HTR4: variants seen among roughly 807,000 people sequenced by gnomAD.
The protein encoded by HTR4 is 5-hydroxytryptamine (serotonin) receptor 4, G protein-coupled.
Under a neutral mutation model 36.8 loss-of-function variants are expected in HTR4, and 16 were observed. The observed-to-expected ratio is 0.43, with a 90% CI of 0.29 to 0.66. The LOEUF (loss-of-function observed/expected upper bound fraction) is 0.66. Among genes scored for constraint, HTR4 ranks in the 30% least tolerant of loss-of-function variants. The pLI is 0.13. For missense variants in HTR4, 438 were observed against 490.9 expected, an observed-to-expected ratio of 0.89 and a Z score of 1.02; for synonymous variants, 189 against 185.1, an observed-to-expected ratio of 1.02 and a Z score of -0.17.
At chr5:148,517,522 C>T (rs1366102162) in intron 5 of HTR4, among the ~76,000 whole-genome samples, 1 of 152,030 alleles carries the variant, frequency 6.6e-6, no homozygotes, top group Non-Finnish European at 1.5e-5. Flanking sequence ...AACTTACACA[C>T]AGTATTCTCA....
intron 5 of HTR4, among the ~76,000 whole-genome samples, chr5:148,462,604 A>G (rs1755304562): frequency 6.6e-6 from 1 of 152,134 alleles, no homozygotes; most frequent in Non-Finnish European, 1.5e-5. Context: ...AAGAAATTAT[A>G]CCAATTCTCT....
chr5:148,471,748 G>T (rs1755572746), downstream of HTR4, among the ~76,000 whole-genome samples: 1 of 152,120 alleles, frequency 6.6e-6, no homozygotes, highest in African/African-American at 2.4e-5. Flanking sequence ...TTTAACGTTG[G>T]ATTTTTATTT....
intron 5 of HTR4, among the ~76,000 whole-genome samples, chr5:148,456,979 A>G (rs944802098): frequency 6.6e-6 from 1 of 152,218 alleles, no homozygotes; most frequent in African/African-American, 2.4e-5. Context: ...ACGTTTATTC[A>G]CTTGTTAATT....
intron 6 of HTR4, among the ~76,000 whole-genome samples, chr5:148,494,700 G>T (rs1756609434): frequency 6.6e-6 from 1 of 152,208 alleles, no homozygotes; most frequent in African/African-American, 2.4e-5. Flanking sequence ...TAGCTCTGGA[G>T]ATGCTTGGTC....
chr5:148,568,410 G>A (rs1001218537), intron 2 of HTR4, among the ~76,000 whole-genome samples: 1 of 151,908 alleles, frequency 6.6e-6, no homozygotes, highest in Non-Finnish European at 1.5e-5. Context: ...ATCAACTAAC[G>A]AACCAATCAA....
intron 1 of HTR4, among the ~76,000 whole-genome samples, chr5:148,640,032 T>C (rs1009007542): frequency 6.6e-6 from 1 of 152,108 alleles, no homozygotes; most frequent in Non-Finnish European, 1.5e-5. Flanking sequence ...ATCCTATAGA[T>C]GAAGAGACTG....
At position 148,639,004 on chromosome 5, in the gene HTR4, G is replaced by A. The variant is rs185977422; in HGVS notation, c.-47-1943C>T. ...TGAGGCTGCTGTGAGCCAAGATCAC[G>A]CTACTGTACTCCAGCCTGGGTGACA... On this transcript the variant is annotated intron_variant, in intron 1 of 6. Coordinates refer to ENST00000377888, the MANE Select transcript of HTR4 (RefSeq NM_000870.7). Among the ~76,000 whole-genome samples, 71 of 152,120 alleles carry A rather than the reference G, an allele frequency of 4.7e-4. 1 individual carries two copies. Among genetic ancestry groups the A allele is most frequent in the African/African-American group, 1.5e-3 (63 of 41,508 alleles).
At chr5:148,549,213 T>C (rs1213237152) in intron 3 of HTR4, among the ~76,000 whole-genome samples, 1 of 152,160 alleles carries the variant, frequency 6.6e-6, no homozygotes, top group African/African-American at 2.4e-5. Flanking sequence ...GCAGATGTTC[T>C]TTCTTCCAAC....
At chr5:148,455,281 A>G (rs1755073659) in intron 5 of HTR4, among the ~76,000 whole-genome samples, 1 of 152,136 alleles carries the variant, frequency 6.6e-6, no homozygotes, top group Non-Finnish European at 1.5e-5. Flanking sequence ...GCCCTGTTCT[A>G]TGGCTAATAG....
chr5:148,652,487 A>G (rs1754068828), intron 1 of HTR4, among the ~76,000 whole-genome samples: 1 of 152,210 alleles, frequency 6.6e-6, no homozygotes, highest in Non-Finnish European at 1.5e-5. Context: ...GAACAGAATC[A>G]GGGAGGTCCA....
rs1323739150 is a variant in HTR4, at chr5:148,540,324, C to T, written c.353+8344G>A. ...ATGTATACAACGAACCCCTGTGACA[C>T]AGTTCAACTATATAACAAATCTTCA... On this transcript the variant is annotated intron_variant, in intron 4 of 6. Transcript: ENST00000377888. Among the ~76,000 whole-genome samples, 3 of 147,490 alleles carry T rather than the reference C, an allele frequency of 2.0e-5. No individual in the cohort carries two copies. In the East Asian group the frequency reaches 6.1e-4, roughly 30 times the overall value.
At chr5:148,603,816 T>A (rs1309263363) in intron 2 of HTR4, among the ~76,000 whole-genome samples, 2 of 152,044 alleles carry the variant, frequency 1.3e-5, no homozygotes, top group African/African-American at 4.8e-5. Flanking sequence ...GGAAATAAGA[T>A]AGGGTGATAT....
intron 2 of HTR4, among the ~76,000 whole-genome samples, chr5:148,609,833 T>C (rs1052401009): frequency 8.5e-5 from 13 of 152,166 alleles, no homozygotes; most frequent in Admixed American, 6.5e-4. Context: ...CCCAAAGTAC[T>C]GGGATTACAG....
intron 2 of HTR4, among the ~76,000 whole-genome samples, chr5:148,623,291 A>G (rs78933334): frequency 0.012 from 1,898 of 152,244 alleles, 40 homozygotes; most frequent in African/African-American, 0.044. Flanking sequence ...GGGCCTTTGA[A>G]CTTATCTTAA....
intron 5 of HTR4, among the ~76,000 whole-genome samples, chr5:148,515,985 CAT>C (rs3041921): frequency 5.7e-4 from 84 of 148,642 alleles, no homozygotes; most frequent in East Asian, 4.7e-3. Context: ...ATATATGTAA[CAT>C]ATATATATAT....
intron 2 of HTR4, among the ~76,000 whole-genome samples, chr5:148,614,130 C>A: frequency 6.6e-6 from 1 of 152,112 alleles, no homozygotes; most frequent in East Asian, 1.9e-4. Flanking sequence ...AGATTCAATG[C>A]CATCCCCATC....
intron 5 of HTR4, among the ~76,000 whole-genome samples, chr5:148,516,148 T>A (rs1757739213): frequency 6.6e-6 from 1 of 151,580 alleles, no homozygotes; most frequent in Admixed American, 6.6e-5. Context: ...TGGTATAACA[T>A]CCTCTTGAAT....
At chr5:148,483,963 T>G (rs951273377) in intron 6 of HTR4, among the ~76,000 whole-genome samples, 7 of 146,086 alleles carry the variant, frequency 4.8e-5, no homozygotes, top group African/African-American at 1.9e-4. Context: ...ATTTATTTAT[T>G]TATTTATTTA....
intron 2 of HTR4, among the ~76,000 whole-genome samples, chr5:148,599,955 G>C (rs1761922937): frequency 6.6e-6 from 1 of 150,950 alleles, no homozygotes; most frequent in African/African-American, 2.4e-5. Context: ...CAATAAAGGA[G>C]AAAAAGCAAT....
Sources: allele counts gnomAD v4.1 joint callset (sites outside exome capture counted in the v4.1 genomes callset), GRCh38; gene constraint gnomAD v4.1.1; transcripts MANE v1.5; gene names NCBI Gene and HGNC (gene_info 2026-07-23, HGNC 2026-07-21).